OTUD7A: variants seen among roughly 807,000 people sequenced by gnomAD.
OTUD7A encodes OTU deubiquitinase 7A.
Under a neutral mutation model 65.7 loss-of-function variants are expected in OTUD7A, and 12 were observed. That is an observed-to-expected ratio of 0.18 (90% CI 0.12 to 0.30). OTUD7A has a LOEUF of 0.30. Among genes scored for constraint, OTUD7A ranks in the 10% least tolerant of loss-of-function variants. The probability of loss-of-function intolerance (pLI) is 1.00; values close to 1 mark genes in which losing one functional copy is unlikely to be tolerated. For synonymous variants in OTUD7A, 641 were observed against 586.3 expected, an observed-to-expected ratio of 1.09 and a Z score of -1.35; for missense variants, 1,148 against 1,304.8, an observed-to-expected ratio of 0.88 and a Z score of 1.85.
chr15:31,798,140 A>G (rs1262229265), intron 1 of OTUD7A, among the ~76,000 whole-genome samples: 3 of 152,158 alleles, frequency 2.0e-5, no homozygotes, highest in South Asian at 2.1e-4. Context: ...TTTAAAGACC[A>G]TATCTCCAAA....
chr15:31,867,098 A>G (rs960305485), intron 1 of OTUD7A, among the ~76,000 whole-genome samples: 2 of 152,004 alleles, frequency 1.3e-5, no homozygotes, highest in Admixed American at 1.3e-4. Flanking sequence ...ACCCATCCCA[A>G]CTCACCAAAA....
chr15:31,662,409 C>T (rs1430656112), intron 1 of OTUD7A, among the ~76,000 whole-genome samples: 4 of 152,142 alleles, frequency 2.6e-5, no homozygotes, highest in African/African-American at 7.2e-5. Context: ...AAATATTTTG[C>T]ATTCGTCGAT....
At chr15:31,768,866 G>C (rs1470068636) in intron 1 of OTUD7A, among the ~76,000 whole-genome samples, 3 of 151,896 alleles carry the variant, frequency 2.0e-5, no homozygotes, top group East Asian at 3.9e-4. Flanking sequence ...TCACCAAAAA[G>C]CATACAAAGA....
At position 31,857,786 on chromosome 15, in the gene OTUD7A, T is replaced by C. The variant is rs115265286; in HGVS notation, c.-100+12721A>G. Reference sequence around the variant, plus strand: ...CACTTGATTGCTCACTTTTTCTTAGTAATGTCTACTTTGGACTTTCAATTC... The same window carrying C: ...CACTTGATTGCTCACTTTTTCTTAGCAATGTCTACTTTGGACTTTCAATTC... On this transcript the variant is annotated intron_variant, in intron 1 of 12. Coordinates refer to ENST00000307050, the MANE Select transcript of OTUD7A (RefSeq NM_001382637.1). 7.0e-3 allele frequency among the ~76,000 whole-genome samples: 1,070 copies of C among 152,306 alleles called. 15 individuals are homozygous for C. The highest frequency in any genetic ancestry group is 0.025 in the African/African-American group (1,030 of 41,574).
intron 4 of OTUD7A, among the ~76,000 whole-genome samples, chr15:31,565,154 A>G (rs1888825156): frequency 6.6e-6 from 1 of 152,242 alleles, no homozygotes; most frequent in Non-Finnish European, 1.5e-5. Flanking sequence ...ATAATCCAAG[A>G]TATAGATTCA....
chr15:31,553,075 G>A (rs1888375484), intron 5 of OTUD7A, among the ~76,000 whole-genome samples: 5 of 152,112 alleles, frequency 3.3e-5, no homozygotes, highest in Admixed American at 2.0e-4. Context: ...ATGGCTTCCC[G>A]AGAACCTTGC....
Position 31,487,482 on chromosome 15 carries a change from T to C in OTUD7A, c.1256A>G (p.Lys419Arg). ...CAGCCGGGCGTTATCGTTGTCGTCT[T>C]TCCCCCACTCCCAGTCCTTGCCAGG... ...VDPGKDWEWG[K>R]DDNDNARLAH... Residue 419 changes from lysine (K) to arginine (R), a missense_variant, in exon 11 of 13, where the codon AAA becomes AGA. Lys to Arg is a conservative substitution (Grantham distance 26). This residue lies in a region of OTUD7A where 842 missense variants were observed against 769.5 expected (regional missense o/e 1.09). Transcript: ENST00000307050. This position sits in a 1 kb window ranked among gnomAD's most constrained non-coding sequence, Gnocchi z 6.0. 1 of 1,614,042 alleles carries C rather than the reference T, an allele frequency of 6.2e-7. No individual in the cohort carries two copies. The highest frequency in any genetic ancestry group is 1.3e-5 in the African/African-American group (1 of 75,020).
chr15:31,507,216 CA>C (rs1307430064), intron 8 of OTUD7A, among the ~76,000 whole-genome samples: 1 of 151,980 alleles, frequency 6.6e-6, no homozygotes, highest in Non-Finnish European at 1.5e-5. Flanking sequence ...AAATTTATGT[CA>C]AATTTCTATA....
intron 5 of OTUD7A, among the ~76,000 whole-genome samples, chr15:31,531,938 G>T (rs1229113087): frequency 6.6e-6 from 1 of 152,176 alleles, no homozygotes; most frequent in Non-Finnish European, 1.5e-5. Context: ...CTGCCAAGAA[G>T]TACCAAGCCC....
At chr15:31,745,715 C>A (rs1894457793) in intron 1 of OTUD7A, among the ~76,000 whole-genome samples, 1 of 152,080 alleles carries the variant, frequency 6.6e-6, no homozygotes, top group African/African-American at 2.4e-5. Context: ...AAAACTTCAA[C>A]TCACTGAAAA....
In OTUD7A at chr15:31,768,241, T is replaced by A. The variant is rs1281618309; in HGVS notation, c.-100+102266A>T. The A allele has an allele frequency of 3.4e-6, 3 of 878,284 alleles. No homozygotes were observed. In the Admixed American group the frequency reaches 5.2e-5, roughly 15 times the overall value. The allele number at this position is 878,284 out of a possible 1,614,324, so 54.4% of individuals were successfully genotyped here. A position where few individuals can be genotyped will look rare whatever the true frequency, so the allele number is the denominator to read the frequency against. ...CCGGTGGCATCCATGGCAGTGTAGG[T>A]GACACTCAAGACCCAGCAGCCCGGG... On this transcript the variant is annotated intron_variant, in intron 1 of 12. Transcript: ENST00000307050.
chr15:31,770,118 A>G (rs1034174661), intron 1 of OTUD7A, among the ~76,000 whole-genome samples: 3 of 152,180 alleles, frequency 2.0e-5, no homozygotes, highest in Non-Finnish European at 4.4e-5. Flanking sequence ...AAACAGAAAA[A>G]TAAAATATCA....
At chr15:31,825,087 AC>A (rs1896766737) in intron 1 of OTUD7A, among the ~76,000 whole-genome samples, 2 of 152,206 alleles carry the variant, frequency 1.3e-5, no homozygotes, top group South Asian at 4.1e-4. Context: ...GATTCTACCT[AC>A]CTATGTTCCT....
chr15:31,764,743 T>C (rs1895055762), intron 1 of OTUD7A, among the ~76,000 whole-genome samples: 1 of 152,146 alleles, frequency 6.6e-6, no homozygotes, highest in African/African-American at 2.4e-5. Context: ...ATCCCCAAAA[T>C]TCAGATTCAA....
intron 3 of OTUD7A, among the ~76,000 whole-genome samples, chr15:31,623,534 G>A (rs557191944): frequency 2.6e-5 from 4 of 152,352 alleles, no homozygotes; most frequent in Admixed American, 2.0e-4. Context: ...AGCAATGAGC[G>A]AGGCTCCGTG....
intron 1 of OTUD7A, among the ~76,000 whole-genome samples, chr15:31,855,932 C>T (rs1055535083): frequency 5.3e-5 from 8 of 152,206 alleles, no homozygotes; most frequent in Admixed American, 1.3e-4. Context: ...AGCTAACCCA[C>T]AGGACTATAA....
chr15:31,821,993 A>G (rs1404864961), intron 1 of OTUD7A, among the ~76,000 whole-genome samples: 1 of 152,196 alleles, frequency 6.6e-6, no homozygotes, highest in Non-Finnish European at 1.5e-5. Flanking sequence ...AGTTCTTTAT[A>G]TATTCTGGAT....
At chr15:31,606,681 G>A (rs532414306) in intron 3 of OTUD7A, among the ~76,000 whole-genome samples, 1 of 152,226 alleles carries the variant, frequency 6.6e-6, no homozygotes, top group South Asian at 2.1e-4. Context: ...TCTAACGCAC[G>A]ACTTCTGTTT....
At chr15:31,485,400 C>G (rs1206384856) in intron 12 of OTUD7A, among the ~76,000 whole-genome samples, 2 of 152,224 alleles carry the variant, frequency 1.3e-5, no homozygotes, top group African/African-American at 4.8e-5. Context: ...AGGTGGAATG[C>G]TAAATTGAGG....
Sources: allele counts gnomAD v4.1 joint callset (sites outside exome capture counted in the v4.1 genomes callset), GRCh38; gene constraint gnomAD v4.1.1; regional missense constraint gnomAD v4.1.1; non-coding constraint Gnocchi (gnomAD v3.1); transcripts MANE v1.5; gene names NCBI Gene and HGNC (gene_info 2026-07-23, HGNC 2026-07-21).